Variants in BAZ2B observed in about 807,000 individuals in gnomAD.
BAZ2B encodes bromodomain adjacent to zinc finger domain protein 2B.
A neutral mutation model predicts 246.0 loss-of-function variants in BAZ2B; 91 were observed. The ratio of observed to expected loss-of-function variants is 0.37; its 90% CI spans 0.31 to 0.44. The LOEUF (loss-of-function observed/expected upper bound fraction) is 0.44. Among genes scored for constraint, BAZ2B ranks in the 20% least tolerant of loss-of-function variants. BAZ2B has a pLI of 1.00. For synonymous variants in BAZ2B, 855 were observed against 860.0 expected (o/e 0.99, Z 0.10); for missense variants, 2,332 against 2,533.7 (o/e 0.92, Z 1.71).
the BAZ2B span, among the ~76,000 whole-genome samples, chr2:159,709,161 C>T: frequency 1.8e-3 from 273 of 149,772 alleles, no homozygotes; most frequent in Non-Finnish European, 3.0e-3. Flanking sequence ...AAAAAAGAAG[C>T]AGGGATCCTT....
At chr2:159,702,034 A>T in the BAZ2B span, among the ~76,000 whole-genome samples, 2 of 152,150 alleles carry the variant, frequency 1.3e-5, no homozygotes, top group Non-Finnish European at 2.9e-5. Context: ...GGCCATTCTT[A>T]AATATATTTT....
the BAZ2B span, among the ~76,000 whole-genome samples, chr2:159,691,719 A>G: frequency 3.8e-4 from 58 of 152,326 alleles, no homozygotes; most frequent in African/African-American, 1.3e-3. Flanking sequence ...AGTGTTACTC[A>G]AGGTTTACGG....
intron 2 of BAZ2B, among the ~76,000 whole-genome samples, chr2:159,491,572 T>G (rs916680596): frequency 6.7e-6 from 1 of 148,958 alleles, no homozygotes; most frequent in Non-Finnish European, 1.5e-5. Context: ...TACAAAAAAA[T>G]TAGCCGGGCG....
chr2:159,643,270 T>C, the BAZ2B span, among the ~76,000 whole-genome samples: 5 of 152,186 alleles, frequency 3.3e-5, no homozygotes, highest in Non-Finnish European at 4.4e-5. Context: ...ATCAAGGTCA[T>C]GGTAAGATTG....
At chr2:159,447,118 T>C (rs779895106) in intron 5 of BAZ2B, 143 bp from the exon 6 acceptor site, 3 of 578,116 alleles carry the variant, frequency 5.2e-6, no homozygotes, top group Non-Finnish European at 8.2e-6. Context: ...TATGATTCCA[T>C]CTACATGAAA....
At chr2:159,393,666 C>A (rs1249668278) in intron 20 of BAZ2B, among the ~76,000 whole-genome samples, 4 of 152,138 alleles carry the variant, frequency 2.6e-5, no homozygotes, top group African/African-American at 7.2e-5. Flanking sequence ...AGAGGGAGAG[C>A]TATACCAGGT....
intron 2 of BAZ2B, among the ~76,000 whole-genome samples, chr2:159,531,185 A>G (rs1362632317): frequency 1.3e-5 from 2 of 152,212 alleles, no homozygotes; most frequent in African/African-American, 2.4e-5. Context: ...TCATAATTTA[A>G]GAGTCATAAA....
At position 159,337,032 on chromosome 2, in the gene BAZ2B, T is replaced by C; in HGVS notation, c.5706A>G (p.Ala1902=). 1 of 1,612,962 alleles carries C rather than the reference T, an allele frequency of 6.2e-7. No individual in the cohort carries two copies. Among genetic ancestry groups the C allele is most frequent in the South Asian group, 1.1e-5 (1 of 91,058 alleles). ...GTGCAGCACTGCGAGCTTCTGATAA[T>C]GCCCTTCTCCATACCCTGAGCCCTG... ...IAPGLRVWRR[A]LSEARSAAQV... The change falls in exon 33 of 37, where the codon GCA becomes GCG. Residue 1902 remains alanine, a synonymous_variant. Coordinates refer to ENST00000392783, the MANE Select transcript of BAZ2B (RefSeq NM_013450.4).
At chr2:159,536,178 T>C (rs2085956713) in intron 2 of BAZ2B, 1 of 152,246 alleles carries the variant, frequency 6.6e-6, no homozygotes, top group African/African-American at 2.4e-5. Flanking sequence ...AATAAGGTAG[T>C]TTTGACCACA....
the BAZ2B span, among the ~76,000 whole-genome samples, chr2:159,672,343 T>C: frequency 6.6e-6 from 1 of 152,232 alleles, no homozygotes; most frequent in Non-Finnish European, 1.5e-5. Context: ...ACACAAATTG[T>C]AAAGTTTTAA....
intron 2 of BAZ2B, among the ~76,000 whole-genome samples, chr2:159,524,341 G>A (rs1381967686): frequency 1.3e-5 from 2 of 152,084 alleles, no homozygotes; most frequent in African/African-American, 4.8e-5. Context: ...TGTTGTCGCA[G>A]CTACTCAGCA....
intron 1 of BAZ2B, among the ~76,000 whole-genome samples, chr2:159,592,354 T>TA (rs1689594554): frequency 6.6e-6 from 1 of 152,206 alleles, no homozygotes; most frequent in African/African-American, 2.4e-5. Context: ...CTTGCTATAT[T>TA]GCCCAGGCTG....
At chr2:159,701,097 G>T in the BAZ2B span, among the ~76,000 whole-genome samples, 1 of 152,084 alleles carries the variant, frequency 6.6e-6, no homozygotes, top group Non-Finnish European at 1.5e-5. Flanking sequence ...ATAGAAGAAT[G>T]CTTGGTCTCT....
At chr2:159,317,627 CCA>C (rs1489938481), downstream of BAZ2B, among the ~76,000 whole-genome samples, 1 of 152,074 alleles carries the variant, frequency 6.6e-6, no homozygotes, top group Non-Finnish European at 1.5e-5. Flanking sequence ...TGAAAGTAGG[CCA>C]GTTTCTTAAT....
intron 16 of BAZ2B, chr2:159,404,638 T>A: frequency 2.1e-6 from 1 of 475,270 alleles, no homozygotes; most frequent in South Asian, 4.0e-5. Flanking sequence ...ACAAATTTAC[T>A]GTTTGGTAAT....
chr2:159,467,495 T>TA (rs1196243852), intron 3 of BAZ2B, among the ~76,000 whole-genome samples: 1 of 152,106 alleles, frequency 6.6e-6, no homozygotes, highest in African/African-American at 2.4e-5. Context: ...CCAGCACCAA[T>TA]AAAAATCCCA....
Position 159,325,718 on chromosome 2 carries a change from T to G in BAZ2B, c.6144A>C (p.Lys2048Asn). 6.3e-7 allele frequency: 1 copy of G among 1,596,262 alleles called. No individual in the cohort carries two copies. Among genetic ancestry groups the G allele is most frequent in the South Asian group, 1.2e-5 (1 of 85,954 alleles). ...TCTTAACTGAAGTAAAACTTTCTTG[T>G]TTTGACAAGTTAATAGAAGTGTTTT... ...MEENTSINLS[K>N]QESFTSVKKP... The change falls in exon 35 of 37, where the codon AAA becomes AAC. Residue 2048 changes from lysine (K) to asparagine (N), a missense_variant. Lys to Asn is a moderately conservative substitution (Grantham distance 94). Coordinates refer to ENST00000392783, the MANE Select transcript of BAZ2B (RefSeq NM_013450.4).
the BAZ2B span, among the ~76,000 whole-genome samples, chr2:159,631,052 C>T: frequency 3.9e-5 from 6 of 151,990 alleles, no homozygotes; most frequent in African/African-American, 4.8e-5. Flanking sequence ...AAAATTTACC[C>T]GGGCATGGTG....
chr2:159,507,304 A>G (rs1199630174), intron 2 of BAZ2B, among the ~76,000 whole-genome samples: 3 of 152,196 alleles, frequency 2.0e-5, no homozygotes, highest in Non-Finnish European at 4.4e-5. Flanking sequence ...TTTATTAGGC[A>G]ACAGATCAAC....
Sources: gnomAD v4.1 joint callset for allele counts (sites outside exome capture counted in the v4.1 genomes callset) on GRCh38, gnomAD v4.1.1 for gene constraint, MANE v1.5 for transcripts, NCBI Gene and HGNC (gene_info 2026-07-23, HGNC 2026-07-21) for gene names.